Variants in SLC68A1 observed in about 807,000 individuals in gnomAD.
SLC68A1 encodes major facilitator superfamily domain containing 13A.
At chr10:102,472,699 G>C in the SLC68A1 span, 5 of 695,484 alleles carry the variant, frequency 7.2e-6, no homozygotes, top group Non-Finnish European at 1.3e-5. Context: ...GTTCTGGCAT[G>C]TTCTGTGTTT....
At chr10:102,474,955 GT>G in the SLC68A1 span, among the ~76,000 whole-genome samples, 1 of 151,702 alleles carries the variant, frequency 6.6e-6, no homozygotes, top group Non-Finnish European at 1.5e-5. Flanking sequence ...GCCAGGGAGG[GT>G]TTTAAACAGG....
chr10:102,463,169 CT>C, the SLC68A1 span, among the ~76,000 whole-genome samples: 107,026 of 131,678 alleles, frequency 0.81, 43,911 homozygotes, highest in African/African-American at 0.91. Context: ...CCCAGCCCTG[CT>C]TTTTTTTTTT....
the SLC68A1 span, among the ~76,000 whole-genome samples, chr10:102,474,217 G>A: frequency 2.1e-4 from 32 of 152,288 alleles, no homozygotes; most frequent in Admixed American, 4.6e-4. Context: ...AAATATGTAC[G>A]GAATCCCTTC....
At chr10:102,475,772 C>T in the SLC68A1 span, 2 of 1,613,846 alleles carry the variant, frequency 1.2e-6, no homozygotes, top group South Asian at 1.1e-5. Context: ...GAGTGCCCAT[C>T]CCTGGCCAGA....
the SLC68A1 span, among the ~76,000 whole-genome samples, chr10:102,463,607 G>C: frequency 6.7e-6 from 1 of 150,048 alleles, no homozygotes; most frequent in Non-Finnish European, 1.5e-5. Flanking sequence ...AGCAGGATTT[G>C]ATAAGATGGG....
the SLC68A1 span, chr10:102,476,401 C>T: frequency 1.9e-6 from 1 of 527,300 alleles, no homozygotes; most frequent in Non-Finnish European, 2.4e-6. Context: ...GACAGGGTTT[C>T]ACCACATTGG....
At chr10:102,464,514 G>A in the SLC68A1 span, among the ~76,000 whole-genome samples, 8 of 151,400 alleles carry the variant, frequency 5.3e-5, no homozygotes, top group South Asian at 1.0e-3. Flanking sequence ...ACTGTAGGCC[G>A]GGCGCAGTGG....
the SLC68A1 span, among the ~76,000 whole-genome samples, chr10:102,465,805 G>A: frequency 1.3e-5 from 2 of 152,206 alleles, no homozygotes; most frequent in African/African-American, 4.8e-5. Flanking sequence ...TCCCGATGGA[G>A]GAGTGGAATC....
the SLC68A1 span, among the ~76,000 whole-genome samples, chr10:102,471,851 C>T: frequency 6.6e-6 from 1 of 152,088 alleles, no homozygotes; most frequent in African/African-American, 2.4e-5. Flanking sequence ...GTTGAGTAGT[C>T]AGGAGGCCTG....
chr10:102,474,465 A>T, the SLC68A1 span, among the ~76,000 whole-genome samples: 1 of 151,986 alleles, frequency 6.6e-6, no homozygotes, highest in African/African-American at 2.4e-5. Context: ...GCCCCTCAGG[A>T]TGTGAGCTGA....
At chr10:102,475,871 C>T in the SLC68A1 span, 4 of 1,613,998 alleles carry the variant, frequency 2.5e-6, no homozygotes, top group Non-Finnish European at 3.4e-6. Context: ...CTGTGCTCTG[C>T]TGCAGCTCTT....
the SLC68A1 span, among the ~76,000 whole-genome samples, chr10:102,464,300 A>C: frequency 2.0e-4 from 31 of 152,168 alleles, 1 homozygote; most frequent in East Asian, 5.2e-3. Flanking sequence ...AAAATACAAA[A>C]ATTAGCCAGG....
At chr10:102,471,580 C>T in the SLC68A1 span, among the ~76,000 whole-genome samples, 3 of 151,894 alleles carry the variant, frequency 2.0e-5, no homozygotes, top group South Asian at 2.1e-4. Flanking sequence ...GCTAACATGG[C>T]GAAACCCCAT....
chr10:102,468,570 G>A, the SLC68A1 span: 1 of 153,550 alleles, frequency 6.5e-6, no homozygotes, highest in East Asian at 1.9e-4. Context: ...GGGAGGCTGA[G>A]GCAGGAGAAT....
At chr10:102,473,984 GGGCACCT>G in the SLC68A1 span, 1 of 1,608,848 alleles carries the variant, frequency 6.2e-7, no homozygotes, top group Non-Finnish European at 8.5e-7. Flanking sequence ...CCCCGCTGCT[GGGCACCT>G]GGCTGCTCTG....
chr10:102,475,655 C>G, the SLC68A1 span: 1 of 1,519,722 alleles, frequency 6.6e-7, no homozygotes, highest in South Asian at 1.3e-5. Flanking sequence ...ACACCATAGA[C>G]TTGGAGGGCA....
chr10:102,476,228 C>T, the SLC68A1 span: 9 of 518,642 alleles, frequency 1.7e-5, no homozygotes, highest in Admixed American at 4.5e-5. Flanking sequence ...CCACCATGCC[C>T]GGCTACTTTT....
the SLC68A1 span, among the ~76,000 whole-genome samples, chr10:102,464,999 A>G: frequency 6.6e-6 from 1 of 152,072 alleles, no homozygotes; most frequent in Admixed American, 6.6e-5. Flanking sequence ...TCATGGCTGC[A>G]ATCCCAGTAC....
At chr10:102,473,297 G>A in the SLC68A1 span, among the ~76,000 whole-genome samples, 1 of 152,132 alleles carries the variant, frequency 6.6e-6, no homozygotes. Flanking sequence ...CATCTGATGG[G>A]CCTGGGTGTG....
Sources: allele counts gnomAD v4.1 joint callset (sites outside exome capture counted in the v4.1 genomes callset), GRCh38; gene constraint gnomAD v4.1.1; transcripts MANE v1.5; gene names NCBI Gene and HGNC (gene_info 2026-07-23, HGNC 2026-07-21).